Variants in FAT3 observed in about 807,000 individuals in gnomAD.
FAT3 encodes FAT atypical cadherin 3, also known as protocadherin Fat 3.
A neutral mutation model predicts 310.2 loss-of-function variants in FAT3; 95 were observed. The observed-to-expected ratio is 0.31, with a 90% CI of 0.26 to 0.36. The LOEUF (loss-of-function observed/expected upper bound fraction) is 0.36. Among genes scored for constraint, FAT3 ranks in the 10% least tolerant of loss-of-function variants. The pLI is 1.00. For missense variants in FAT3, 5,408 were observed against 5,715.6 expected (o/e 0.95, Z 1.74); for synonymous variants, 2,314 against 2,192.9 (o/e 1.06, Z -1.54).
At chr11:92,562,181 T>C (rs1445654600) in intron 3 of FAT3, among the ~76,000 whole-genome samples, 2 of 152,200 alleles carry the variant, frequency 1.3e-5, no homozygotes, top group African/African-American at 2.4e-5. Flanking sequence ...TTTTTACATA[T>C]ATGAATCAGT....
intron 2 of FAT3, among the ~76,000 whole-genome samples, chr11:92,427,361 T>G (rs1264301663): frequency 6.6e-6 from 1 of 152,184 alleles, no homozygotes; most frequent in Admixed American, 6.5e-5. Flanking sequence ...ACCCTTTATT[T>G]CTTTCCCTTG....
chr11:92,267,216 A>G (rs905684446), intron 1 of FAT3, among the ~76,000 whole-genome samples: 1 of 152,212 alleles, frequency 6.6e-6, no homozygotes, highest in Non-Finnish European at 1.5e-5. Context: ...GGGGGCAAAG[A>G]CAAGTTCTTA....
chr11:92,637,000 C>T (rs553310901), intron 3 of FAT3, among the ~76,000 whole-genome samples: 3 of 152,342 alleles, frequency 2.0e-5, no homozygotes, highest in Admixed American at 6.5e-5. Flanking sequence ...CTTCATCCTC[C>T]TCCAACTTGC....
In FAT3 at chr11:92,565,386, C is replaced by T. The variant is rs530147502; in HGVS notation, c.3607+40438C>T. Among the ~76,000 whole-genome samples, 800 of 125,638 alleles carry T rather than the reference C, an allele frequency of 6.4e-3. 4 individuals are homozygous for T. The highest frequency in any genetic ancestry group is 9.5e-3 in the Non-Finnish European group (536 of 56,584). 82.4% of individuals were successfully genotyped at this position (125,638 alleles called of 152,430 possible). A position where few individuals can be genotyped will look rare whatever the true frequency, so the allele number is the denominator to read the frequency against. On this transcript the variant is annotated intron_variant, in intron 3 of 27. Coordinates refer to ENST00000525166, the MANE Select transcript of FAT3 (RefSeq NM_001367949.2). ...CCAATAACAGGATCTGAAATTGTGG[C>T]AATAATCAATAGCTTACCAACCAAA... is the stretch of plus-strand genomic sequence containing the variant.
intron 1 of FAT3, among the ~76,000 whole-genome samples, chr11:92,255,366 T>C (rs1865278497): frequency 6.6e-6 from 1 of 151,022 alleles, no homozygotes; most frequent in Admixed American, 6.6e-5. Context: ...GGAAAAACTC[T>C]CAGTAGCTTA....
intron 10 of FAT3, 138 bp from the exon 11 acceptor site, chr11:92,805,015 T>G: frequency 1.4e-6 from 1 of 717,998 alleles, no homozygotes; most frequent in Non-Finnish European, 2.1e-6. Flanking sequence ...TCAAAGGGAG[T>G]CTCAGTATCT....
intron 7 of FAT3, among the ~76,000 whole-genome samples, chr11:92,789,125 G>A (rs1946973380): frequency 6.6e-6 from 1 of 152,180 alleles, no homozygotes; most frequent in African/African-American, 2.4e-5. Context: ...TTTAGGTGCA[G>A]CAATGGTATT....
At chr11:92,607,504 T>C (rs486365) in intron 3 of FAT3, among the ~76,000 whole-genome samples, 85,349 of 152,014 alleles carry the variant, frequency 0.56, 25,384 homozygotes, top group African/African-American at 0.76. Context: ...CTGCCTTCCC[T>C]CACTGCTTTA....
intron 3 of FAT3, among the ~76,000 whole-genome samples, chr11:92,688,679 C>G (rs1943705747): frequency 6.6e-6 from 1 of 152,150 alleles, no homozygotes; most frequent in African/African-American, 2.4e-5. Flanking sequence ...TCTTAAAATT[C>G]CTGTGCATAC....
chr11:92,864,109 T>C (rs551199172), intron 21 of FAT3, among the ~76,000 whole-genome samples: 2 of 152,320 alleles, frequency 1.3e-5, no homozygotes, highest in East Asian at 3.9e-4. Context: ...TGTTCTTCAG[T>C]TATAGAACTC....
chr11:92,568,324 C>T (rs555848754), intron 3 of FAT3, among the ~76,000 whole-genome samples: 4 of 152,188 alleles, frequency 2.6e-5, no homozygotes, highest in African/African-American at 7.2e-5. Flanking sequence ...GTCCCTTTAT[C>T]CATGAATTAG....
chr11:92,763,187 CT>C (rs1317033385), intron 5 of FAT3, among the ~76,000 whole-genome samples: 1 of 151,418 alleles, frequency 6.6e-6, no homozygotes, highest in Non-Finnish European at 1.5e-5. Context: ...ATCCACCACT[CT>C]TTTCTTTGTC....
intron 17 of FAT3, among the ~76,000 whole-genome samples, chr11:92,839,755 T>C (rs1038830897): frequency 2.6e-5 from 4 of 152,050 alleles, no homozygotes; most frequent in African/African-American, 9.7e-5. Context: ...CTAAACAGAG[T>C]AGGGGAAAGG....
intron 3 of FAT3, among the ~76,000 whole-genome samples, chr11:92,602,580 C>A (rs1323897837): frequency 6.6e-6 from 1 of 152,214 alleles, no homozygotes; most frequent in Non-Finnish European, 1.5e-5. Flanking sequence ...CCTGCAGCTT[C>A]ATTGGCTGAT....
At chr11:92,790,969 C>T (rs1947026622) in intron 8 of FAT3, among the ~76,000 whole-genome samples, 1 of 152,164 alleles carries the variant, frequency 6.6e-6, no homozygotes, top group Non-Finnish European at 1.5e-5. Context: ...GGTAGAAGGA[C>T]AGACTTAATC....
intron 3 of FAT3, among the ~76,000 whole-genome samples, chr11:92,670,730 G>T (rs2135822168): frequency 6.6e-6 from 1 of 152,318 alleles, no homozygotes; most frequent in South Asian, 2.1e-4. Flanking sequence ...AGTTTCAAAA[G>T]AGAAAAAGCA....
At chr11:92,403,339 T>C (rs1413137706) in intron 2 of FAT3, 1 of 152,190 alleles carries the variant, frequency 6.6e-6, no homozygotes, top group East Asian at 1.9e-4. Context: ...AATTCAAGGA[T>C]TTTTCACTTA....
At chr11:92,833,561 C>T (rs977769293) in intron 14 of FAT3, among the ~76,000 whole-genome samples, 3 of 152,066 alleles carry the variant, frequency 2.0e-5, no homozygotes, top group South Asian at 2.1e-4. Context: ...CTCTAGAATG[C>T]GTATTCTAAT....
chr11:92,801,493 T>G lies in FAT3; in HGVS notation c.8480T>G (p.Met2827Arg). 1 of 1,612,814 alleles carries G rather than the reference T, an allele frequency of 6.2e-7. No homozygotes were observed. Among genetic ancestry groups the G allele is most frequent in the Non-Finnish European group, 8.5e-7 (1 of 1,179,344 alleles). ...TATGACACCATTATAATGGAAGGGA[T>G]GCCTGTTGGCACCAAACTCACACAA... ...SSYDTIIMEG[M>R]PVGTKLTQVR... The change falls in exon 10 of 28, where the codon ATG (methionine) becomes AGG (arginine). Residue 2827 changes from methionine to arginine, a missense_variant. Physicochemically the swap from Met to Arg is moderately conservative, Grantham distance 91. Coordinates refer to ENST00000525166, the MANE Select transcript of FAT3 (RefSeq NM_001367949.2).
Sources: gnomAD v4.1 joint callset for allele counts (sites outside exome capture counted in the v4.1 genomes callset) on GRCh38, gnomAD v4.1.1 for gene constraint, MANE v1.5 for transcripts, NCBI Gene and HGNC (gene_info 2026-07-23, HGNC 2026-07-21) for gene names.